The following CNTNAP5 variants were observed in gnomAD, a reference collection of about 807,000 sequenced individuals.
CNTNAP5 encodes the protein contactin associated protein family member 5.
A neutral mutation model predicts 150.2 loss-of-function variants in CNTNAP5; 72 were observed. The ratio of observed to expected loss-of-function variants is 0.48; its 90% CI spans 0.40 to 0.58. The LOEUF is 0.58. Ranked by LOEUF, CNTNAP5 falls within the 20% of genes least tolerant of loss-of-function variation. The pLI is 0.00. For missense variants in CNTNAP5, 1,636 were observed against 1,626.2 expected (o/e 1.01, Z -0.10); for synonymous variants, 672 against 619.8 (o/e 1.08, Z -1.25).
intron 8 of CNTNAP5, among the ~76,000 whole-genome samples, chr2:124,510,517 A>C (rs113070390): frequency 2.0e-5 from 2 of 97,896 alleles, no homozygotes; most frequent in African/African-American, 8.2e-5. Flanking sequence ...ATATATATAT[A>C]TACATATATC....
intron 6 of CNTNAP5, among the ~76,000 whole-genome samples, chr2:124,448,376 G>T (rs1022015804): frequency 1.3e-5 from 2 of 151,590 alleles, no homozygotes; most frequent in African/African-American, 4.9e-5. Context: ...ATATTATATC[G>T]ATTTGCCTGT....
chr2:124,584,312 A>G (rs146060914), intron 11 of CNTNAP5, among the ~76,000 whole-genome samples: 2 of 152,052 alleles, frequency 1.3e-5, no homozygotes, highest in African/African-American at 4.8e-5. Context: ...GCTGGTGGTC[A>G]TGAAGTTTCA....
intron 2 of CNTNAP5, among the ~76,000 whole-genome samples, chr2:124,231,764 A>G (rs1439387894): frequency 6.6e-6 from 1 of 152,170 alleles, no homozygotes; most frequent in Non-Finnish European, 1.5e-5. Flanking sequence ...AAGATACAGG[A>G]CAGAAACCTT....
At chr2:124,711,840 C>CA (rs894896529) in intron 13 of CNTNAP5, among the ~76,000 whole-genome samples, 31 of 151,546 alleles carry the variant, frequency 2.0e-4, no homozygotes, top group East Asian at 1.4e-3. Flanking sequence ...TACTCTGTCT[C>CA]AAAAAAAACA....
At chr2:124,243,681 G>A (rs117452634) in intron 3 of CNTNAP5, among the ~76,000 whole-genome samples, 1 of 152,098 alleles carries the variant, frequency 6.6e-6, no homozygotes, top group South Asian at 2.1e-4. Context: ...GGAGGACGGC[G>A]AGAGTCCAAA....
intron 12 of CNTNAP5, among the ~76,000 whole-genome samples, chr2:124,642,147 T>C (rs1473756622): frequency 6.6e-6 from 1 of 152,246 alleles, no homozygotes; most frequent in African/African-American, 2.4e-5. Context: ...TAGTGAAGGC[T>C]GTCTGGGAGC....
intron 12 of CNTNAP5, among the ~76,000 whole-genome samples, chr2:124,621,534 G>A (rs72972596): frequency 0.012 from 1,810 of 152,306 alleles, 29 homozygotes; most frequent in African/African-American, 0.041. Context: ...GCATAATGGA[G>A]TAGGTAGAAA....
intron 8 of CNTNAP5, among the ~76,000 whole-genome samples, chr2:124,510,251 C>CTATATATCTATATATCTATATA (rs1553474627): frequency 8.8e-5 from 11 of 125,674 alleles, no homozygotes; most frequent in Admixed American, 2.5e-4. Flanking sequence ...ATATCTATAT[C>CTATATATCTATATATCTATATA]TATATCTATA....
In CNTNAP5 at chr2:124,380,423, T is replaced by G. The variant is rs187936522; in HGVS notation, c.382-37020T>G. ...TCCTTGGGGAAATTGTGGAGCATAA[T>G]GCATTTGTACTCTGGTGAAGAGAGA... On this transcript the variant is annotated intron_variant, in intron 3 of 23. Coordinates refer to ENST00000682447, the MANE Select transcript of CNTNAP5 (RefSeq NM_001367498.1). 5.7e-4 allele frequency among the ~76,000 whole-genome samples: 87 copies of G among 152,296 alleles called. 1 individual carries two copies. Among genetic ancestry groups the G allele is most frequent in the African/African-American group, 2.1e-3 (86 of 41,588 alleles).
At chr2:124,674,509 C>CTTTCTTTCTT (rs1553430171) in intron 13 of CNTNAP5, among the ~76,000 whole-genome samples, 1,893 of 115,378 alleles carry the variant, frequency 0.016, 31 homozygotes, top group Non-Finnish European at 0.02. Context: ...TTCTTTCTTT[C>CTTTCTTTCTT]TCTTTCTTTC....
intron 1 of CNTNAP5, among the ~76,000 whole-genome samples, chr2:124,114,687 A>G (rs1005096544): frequency 4.0e-5 from 6 of 151,842 alleles, no homozygotes; most frequent in African/African-American, 4.8e-5. Flanking sequence ...AAGCTTCTTC[A>G]TTCATAATCT....
intron 1 of CNTNAP5, among the ~76,000 whole-genome samples, chr2:124,048,292 CT>C (rs1435301924): frequency 1.3e-5 from 2 of 152,130 alleles, no homozygotes; most frequent in Non-Finnish European, 2.9e-5. Context: ...CTTGAGTAAC[CT>C]CTTAACTATC....
At chr2:124,881,091 A>G (rs1677955418) in intron 21 of CNTNAP5, among the ~76,000 whole-genome samples, 1 of 152,134 alleles carries the variant, frequency 6.6e-6, no homozygotes, top group Non-Finnish European at 1.5e-5. Flanking sequence ...GGAGAATATT[A>G]CAGAGGACAT....
At chr2:124,577,981 C>T (rs1431495552) in intron 11 of CNTNAP5, among the ~76,000 whole-genome samples, 1 of 151,874 alleles carries the variant, frequency 6.6e-6, no homozygotes, top group Admixed American at 6.6e-5. Context: ...AAATACATGA[C>T]AACAATGGTC....
At chr2:124,616,593 G>T (rs1426966678) in intron 12 of CNTNAP5, among the ~76,000 whole-genome samples, 1 of 152,154 alleles carries the variant, frequency 6.6e-6, no homozygotes, top group Non-Finnish European at 1.5e-5. Context: ...TTTTCTTCAA[G>T]AACTTTTCCT....
Position 124,841,113 on chromosome 2 carries a change from T to G in CNTNAP5, c.3218-24193T>G, listed in dbSNP as rs1682936585. Among the ~76,000 whole-genome samples, 2 of 152,050 alleles carry G rather than the reference T, an allele frequency of 1.3e-5. 1 individual carries two copies. Among genetic ancestry groups the G allele is most frequent in the South Asian group, 4.1e-4 (2 of 4,826 alleles). On this transcript the variant is annotated intron_variant, in intron 19 of 23. Coordinates refer to ENST00000682447, the MANE Select transcript of CNTNAP5 (RefSeq NM_001367498.1). Reference sequence around the variant, plus strand: ...TTGTGCTGTGGGTCAAGTTGCCACCTACCCCACTCCCTGGAATGACATCAT... The same window carrying G: ...TTGTGCTGTGGGTCAAGTTGCCACCGACCCCACTCCCTGGAATGACATCAT...
intron 10 of CNTNAP5, among the ~76,000 whole-genome samples, chr2:124,561,073 A>G (rs1457230679): frequency 6.6e-6 from 1 of 151,888 alleles, no homozygotes; most frequent in Non-Finnish European, 1.5e-5. Flanking sequence ...CAATAATACT[A>G]TCATTTGCTC....
intron 1 of CNTNAP5, among the ~76,000 whole-genome samples, chr2:124,168,250 A>G (rs1438487019): frequency 2.6e-5 from 4 of 152,184 alleles, no homozygotes; most frequent in Admixed American, 2.0e-4. Flanking sequence ...GGTATCTCTG[A>G]TCATTTCCTA....
intron 4 of CNTNAP5, among the ~76,000 whole-genome samples, chr2:124,424,415 A>T (rs192379440): frequency 1.4e-3 from 214 of 152,284 alleles, no homozygotes; most frequent in African/African-American, 5.0e-3. Flanking sequence ...GTCCAATGTG[A>T]ACTTTGATTC....
Sources: allele counts gnomAD v4.1 joint callset (sites outside exome capture counted in the v4.1 genomes callset), GRCh38; gene constraint gnomAD v4.1.1; transcripts MANE v1.5; gene names NCBI Gene and HGNC (gene_info 2026-07-23, HGNC 2026-07-21).